The following CMIP variants were observed in gnomAD, a reference collection of about 807,000 sequenced individuals.
CMIP encodes c-Maf inducing protein.
In CMIP, 13 loss-of-function variants were observed where a neutral mutation model predicts 97.3. The ratio of observed to expected loss-of-function variants is 0.13; its 90% CI spans 0.09 to 0.21. CMIP has a LOEUF of 0.21. Among genes scored for constraint, CMIP ranks in the 10% least tolerant of loss-of-function variants. The pLI, the probability that CMIP is intolerant of heterozygous loss-of-function variation, is 1.00. For synonymous variants in CMIP, 538 were observed against 436.3 expected, an observed-to-expected ratio of 1.23 and a Z score of -2.91; for missense variants, 847 against 1,024.9, an observed-to-expected ratio of 0.83 and a Z score of 2.37.
chr16:81,490,787 T>TCTGGGTAGA (rs201524268), intron 1 of CMIP, among the ~76,000 whole-genome samples: 3,353 of 152,118 alleles, frequency 0.022, 123 homozygotes, highest in African/African-American at 0.077. Context: ...CCCTGGGGTG[T>TCTGGGTAGA]CTGGGTAGAA....
At chr16:81,483,509 A>G (rs77520164) in intron 1 of CMIP, among the ~76,000 whole-genome samples, 1 of 152,264 alleles carries the variant, frequency 6.6e-6, no homozygotes, top group East Asian at 1.9e-4. Context: ...CATTCAGGAA[A>G]GTGGCAGCTC....
Position 81,686,877 on chromosome 16 carries a change from T to A in CMIP, c.1389-4898T>A, listed in dbSNP as rs147675168. The stretch of plus-strand genomic sequence containing the variant: ...GTATCTGTGGTGAGTCGTATGTGGG[T>A]AGGGGTCCCGGGACCACCCCTCTGC... On this transcript the variant is annotated intron_variant, in intron 10 of 20. Transcript: ENST00000537098. Among the ~76,000 whole-genome samples the A allele has an allele frequency of 2.2e-4, 34 of 152,176 alleles. No homozygotes were observed. In the East Asian group the frequency reaches 6.4e-3, roughly 29 times the overall value.
chr16:81,660,771 A>T, intron 5 of CMIP, 113 bp from the exon 6 acceptor site: 1 of 1,059,210 alleles, frequency 9.4e-7, no homozygotes, highest in Non-Finnish European at 1.5e-6. Context: ...GTGATGCAGG[A>T]TGTGTTGCTC....
At chr16:81,583,168 G>C (rs900949998) in intron 1 of CMIP, among the ~76,000 whole-genome samples, 13 of 152,238 alleles carry the variant, frequency 8.5e-5, no homozygotes, top group African/African-American at 3.1e-4. Flanking sequence ...AATTGTTCCT[G>C]GGGTTGCAAG....
intron 1 of CMIP, among the ~76,000 whole-genome samples, chr16:81,584,992 G>A (rs190386681): frequency 3.1e-3 from 465 of 152,310 alleles, no homozygotes; most frequent in Non-Finnish European, 5.5e-3. Context: ...CATTGCATTC[G>A]TGTGGAACTT....
At chr16:81,536,200 T>G (rs941480262) in intron 1 of CMIP, among the ~76,000 whole-genome samples, 2 of 152,234 alleles carry the variant, frequency 1.3e-5, no homozygotes, top group African/African-American at 4.8e-5. Flanking sequence ...GAGGCTTGTT[T>G]GGTGTGAAGG....
intron 10 of CMIP, among the ~76,000 whole-genome samples, chr16:81,679,404 T>C (rs1446675240): frequency 3.3e-5 from 5 of 152,106 alleles, no homozygotes; most frequent in Admixed American, 2.6e-4. Flanking sequence ...TTTCTCTGTA[T>C]GTTTGCAGGT....
At chr16:81,623,870 C>G (rs1247803355) in intron 3 of CMIP, among the ~76,000 whole-genome samples, 2 of 152,064 alleles carry the variant, frequency 1.3e-5, no homozygotes, top group African/African-American at 2.4e-5. Flanking sequence ...GTAATAGAAC[C>G]AAGGCTCAGA....
chr16:81,671,347 A>G (rs1055496850), intron 8 of CMIP, among the ~76,000 whole-genome samples: 1 of 152,224 alleles, frequency 6.6e-6, no homozygotes, highest in African/African-American at 2.4e-5. Flanking sequence ...ACAGCTTCCC[A>G]GAAATGGTAC....
chr16:81,480,273 C>T (rs1038065215), intron 1 of CMIP, among the ~76,000 whole-genome samples: 1 of 152,218 alleles, frequency 6.6e-6, no homozygotes, highest in Non-Finnish European at 1.5e-5. Context: ...GGCGTGGTGG[C>T]TCACGCCTGT....
intron 1 of CMIP, among the ~76,000 whole-genome samples, chr16:81,532,504 C>T (rs115306448): frequency 0.023 from 3,565 of 152,224 alleles, 137 homozygotes; most frequent in African/African-American, 0.081. Context: ...TCCCGGGGGT[C>T]GCCCTGAGCC....
rs1277115948 is a variant in CMIP at position 81,655,347 on chromosome 16, G to A, written c.640-2428G>A. Among the ~76,000 whole-genome samples, 1 of 152,166 alleles carries A rather than the reference G, an allele frequency of 6.6e-6. No homozygotes were observed. Among genetic ancestry groups the A allele is most frequent in the East Asian group, 1.9e-4 (1 of 5,192 alleles). Reference sequence around the variant, plus strand: ...TGGAGGGAGCAGGCAGAGGGGCATCGTGGAGGGAGCTGCTAAGGACGCAAA... The same window carrying A: ...TGGAGGGAGCAGGCAGAGGGGCATCATGGAGGGAGCTGCTAAGGACGCAAA... On this transcript the variant is annotated intron_variant, in intron 4 of 20. Coordinates refer to ENST00000537098, the MANE Select transcript of CMIP (RefSeq NM_198390.3). The surrounding 1 kb of genome is among the most constrained non-coding windows in gnomAD (Gnocchi z 4.9).
chr16:81,513,743 CAG>C (rs2089857671), intron 1 of CMIP, among the ~76,000 whole-genome samples: 1 of 152,276 alleles, frequency 6.6e-6, no homozygotes, highest in Non-Finnish European at 1.5e-5. Context: ...GCAAGGGACA[CAG>C]GCATGGCCCT....
chr16:81,500,272 G>GTCCTTCCTTCCTTCCTTACT (rs2089576130), intron 1 of CMIP, among the ~76,000 whole-genome samples: 1 of 64,792 alleles, frequency 1.5e-5, no homozygotes, highest in Non-Finnish European at 3.0e-5. Context: ...CCTTCCTTCC[G>GTCCTTCCTTCCTTCCTTACT]TCCTTCCTTC....
chr16:81,625,618 CA>C (rs1260652270), intron 3 of CMIP, among the ~76,000 whole-genome samples: 4 of 152,230 alleles, frequency 2.6e-5, no homozygotes, highest in African/African-American at 9.7e-5. Context: ...TTTCTGTGTC[CA>C]GGGTTTCAAG....
intron 1 of CMIP, among the ~76,000 whole-genome samples, chr16:81,568,424 C>T (rs764302757): frequency 2.4e-4 from 37 of 152,128 alleles, no homozygotes; most frequent in Admixed American, 9.2e-4. Flanking sequence ...CCTCAAAGTC[C>T]GTGGGCCGTG....
chr16:81,498,932 C>T (rs2089544993), intron 1 of CMIP, among the ~76,000 whole-genome samples: 1 of 152,226 alleles, frequency 6.6e-6, no homozygotes, highest in Admixed American at 6.5e-5. Flanking sequence ...TTTTTTAACA[C>T]ACACATGCAT....
chr16:81,708,124 T>A (rs1908355170), intron 20 of CMIP, among the ~76,000 whole-genome samples: 1 of 151,960 alleles, frequency 6.6e-6, no homozygotes, highest in Non-Finnish European at 1.5e-5. Context: ...ACAGGCAAGC[T>A]CAGCAAACCA....
intron 1 of CMIP, among the ~76,000 whole-genome samples, chr16:81,480,823 G>T (rs1350025021): frequency 6.6e-6 from 1 of 152,206 alleles, no homozygotes; most frequent in East Asian, 1.9e-4. Context: ...AAGGACGGGG[G>T]TGGTTTGCCT....
Sources: allele counts gnomAD v4.1 joint callset (sites outside exome capture counted in the v4.1 genomes callset), GRCh38; gene constraint gnomAD v4.1.1; non-coding constraint Gnocchi (gnomAD v3.1); transcripts MANE v1.5; gene names NCBI Gene and HGNC (gene_info 2026-07-23, HGNC 2026-07-21).